Variants in PDZD2 observed in about 807,000 individuals in gnomAD.
PDZD2 encodes PDZ domain-containing protein 2.
Under a neutral mutation model 220.7 loss-of-function variants are expected in PDZD2, and 90 were observed. The observed-to-expected ratio is 0.41, with a 90% confidence interval of 0.34 to 0.49. The LOEUF (loss-of-function observed/expected upper bound fraction) is 0.49, where lower values mean the gene tolerates loss of function less well. Among genes scored for constraint, PDZD2 ranks in the 20% least tolerant of loss-of-function variants. The pLI, the probability that PDZD2 is intolerant of heterozygous loss-of-function variation, is 0.28. For synonymous variants in PDZD2, 1,375 were observed against 1,450.5 expected (o/e 0.95, Z 1.18); for missense variants, 3,174 against 3,608.5 (o/e 0.88, Z 3.08).
At chr5:31,994,005 TTTA>T (rs1398478750) in intron 3 of PDZD2, among the ~76,000 whole-genome samples, 1 of 152,108 alleles carries the variant, frequency 6.6e-6, no homozygotes, top group Non-Finnish European at 1.5e-5. Flanking sequence ...TATTTATTTA[TTTA>T]TTGTTTTTGT....
chr5:31,843,629 T>G (rs1345095018), intron 2 of PDZD2: 1 of 152,270 alleles, frequency 6.6e-6, no homozygotes, highest in Non-Finnish European at 1.5e-5. Flanking sequence ...CTGCCCGAGT[T>G]TCCACCAGAT....
chr5:31,882,216 A>G (rs1739995572), intron 2 of PDZD2, among the ~76,000 whole-genome samples: 1 of 152,194 alleles, frequency 6.6e-6, no homozygotes, highest in South Asian at 2.1e-4. Context: ...CATAAGGCCT[A>G]TTGCTGTGTC....
At chr5:31,856,806 A>C (rs886953325) in intron 2 of PDZD2, among the ~76,000 whole-genome samples, 1 of 151,846 alleles carries the variant, frequency 6.6e-6, no homozygotes, top group African/African-American at 2.4e-5. Context: ...GGTTTGGCCA[A>C]GTGCTTGTTG....
intron 6 of PDZD2, 88 bp downstream of exon 6, chr5:32,010,570 T>C: frequency 1.1e-6 from 1 of 872,600 alleles, no homozygotes; most frequent in Non-Finnish European, 1.9e-6. Context: ...ATGCTTGAGA[T>C]AGTATGATAG....
intron 14 of PDZD2, among the ~76,000 whole-genome samples, chr5:32,066,562 G>A (rs986728847): frequency 2.6e-5 from 4 of 152,106 alleles, no homozygotes; most frequent in African/African-American, 7.2e-5. Context: ...AGAATCTCCC[G>A]TTGGAGTCTA....
chr5:31,889,230 G>T (rs1388329202), intron 2 of PDZD2, among the ~76,000 whole-genome samples: 1 of 152,152 alleles, frequency 6.6e-6, no homozygotes, highest in East Asian at 1.9e-4. Context: ...TTGGAGCCGT[G>T]GTTTTAGCTC....
intron 1 of PDZD2, among the ~76,000 whole-genome samples, chr5:31,768,658 AC>A (rs1321665118): frequency 6.9e-6 from 1 of 144,142 alleles, no homozygotes; most frequent in African/African-American, 2.6e-5. Context: ...AAAAAAAAAA[AC>A]TGAGACACAA....
intron 2 of PDZD2, among the ~76,000 whole-genome samples, chr5:31,938,821 A>G (rs1298498041): frequency 1.3e-5 from 2 of 152,164 alleles, no homozygotes; most frequent in Non-Finnish European, 2.9e-5. Flanking sequence ...CCAGCACAGT[A>G]TTTCATTGTT....
At chr5:31,839,005 G>A (rs1455394352) in intron 2 of PDZD2, among the ~76,000 whole-genome samples, 1 of 152,188 alleles carries the variant, frequency 6.6e-6, no homozygotes, top group African/African-American at 2.4e-5. Flanking sequence ...CAGATCATCT[G>A]TCCTGCAGGG....
In PDZD2 at chr5:32,083,892, G is replaced by A. The variant is rs1742202924; in HGVS notation, c.3683-3239G>A. 1.3e-5 allele frequency among the ~76,000 whole-genome samples: 2 copies of A among 152,036 alleles called. No homozygotes were observed. The highest frequency in any genetic ancestry group is 2.9e-5 in the Non-Finnish European group (2 of 68,020). On this transcript the variant is annotated intron_variant, in intron 19 of 24. Transcript: ENST00000438447. The surrounding 1 kb of genome is among the most constrained non-coding windows in gnomAD (Gnocchi z 4.1). ...GGATTTCCCCATGTTGGCCAGGCTG[G>A]TTTCGAACTCCTGACCTCAAGTGAT...
chr5:32,089,101 C>G lies in PDZD2; in HGVS notation c.5653C>G (p.Leu1885Val), dbSNP rs1742815218. Residue 1885 changes from leucine to valine, a missense_variant, in exon 20 of 25, where the codon CTG becomes GTG. Leu to Val is a conservative substitution (Grantham distance 32). Around this residue, in one of 4 missense-constraint regions of PDZD2, gnomAD observed 1,861 missense variants for 2,001.0 expected, o/e 0.93. Transcript: ENST00000438447. ...NGQKAKCGPK[L>V]KRLSLKGKAK... is the part of the protein sequence containing the mutation. ...TCAGAAGGCAAAGTGTGGTCCGAAG[C>G]TGAAGAGGCTCAGCCTCAAGGGCAA... 1 of 1,613,948 alleles carries G rather than the reference C, an allele frequency of 6.2e-7. No homozygotes were observed. Among genetic ancestry groups the G allele is most frequent in the Non-Finnish European group, 8.5e-7 (1 of 1,180,012 alleles).
At position 31,752,077 on chromosome 5, in the gene PDZD2, T is replaced by G. The variant is rs1372315169; in HGVS notation, c.-360-46812T>G. ...TTGTTTTATTGTTTTGGGTTTGTTT[T>G]TTTTTTTTTTTTTCTGAGACAAGGT... On this transcript the variant is annotated intron_variant, in intron 1 of 24. Coordinates refer to ENST00000438447, the MANE Select transcript of PDZD2 (RefSeq NM_178140.4). Among the ~76,000 whole-genome samples, 50 of 118,172 alleles carry G rather than the reference T, an allele frequency of 4.2e-4. 1 individual carries two copies. Among genetic ancestry groups the G allele is most frequent in the South Asian group, 7.6e-4 (3 of 3,968 alleles). The allele number at this position is 118,172 out of a possible 152,430, so 77.5% of individuals were successfully genotyped here.
chr5:31,884,289 C>T (rs1740227308), intron 2 of PDZD2, among the ~76,000 whole-genome samples: 1 of 148,928 alleles, frequency 6.7e-6, no homozygotes, highest in African/African-American at 2.6e-5. Context: ...AGACACGTAA[C>T]AGAGACCTTA....
chr5:31,644,653 A>G (rs571995034), intron 1 of PDZD2, among the ~76,000 whole-genome samples: 116 of 152,176 alleles, frequency 7.6e-4, no homozygotes, highest in African/African-American at 2.7e-3. Flanking sequence ...TTCACCCCAC[A>G]CTCTTGATGG....
chr5:31,696,368 T>C (rs1326552694), intron 1 of PDZD2, among the ~76,000 whole-genome samples: 2 of 152,176 alleles, frequency 1.3e-5, no homozygotes, highest in African/African-American at 4.8e-5. Flanking sequence ...GGCACAATCA[T>C]AGCTTACTGC....
chr5:31,759,406 C>T (rs1211867157), intron 1 of PDZD2, among the ~76,000 whole-genome samples: 1 of 152,084 alleles, frequency 6.6e-6, no homozygotes, highest in Non-Finnish European at 1.5e-5. Flanking sequence ...GATTTGCTGG[C>T]GCTGTAGTCA....
intron 6 of PDZD2, among the ~76,000 whole-genome samples, chr5:32,018,703 C>T (rs1753962226): frequency 6.6e-6 from 1 of 152,234 alleles, no homozygotes; most frequent in African/African-American, 2.4e-5. Context: ...TCTCTCTCTC[C>T]CCAACCTCAG....
intron 2 of PDZD2, chr5:31,822,922 G>A: frequency 2.1e-6 from 2 of 931,340 alleles, no homozygotes; most frequent in Non-Finnish European, 3.3e-6. Context: ...ACTACAAATA[G>A]TCTGAACGGT....
At chr5:31,764,077 A>G (rs570254457) in intron 1 of PDZD2, among the ~76,000 whole-genome samples, 89 of 152,252 alleles carry the variant, frequency 5.8e-4, no homozygotes, top group Middle Eastern at 6.8e-3. Flanking sequence ...ACGGATGTCC[A>G]CCCAATCCTG....
Sources: allele counts gnomAD v4.1 joint callset (sites outside exome capture counted in the v4.1 genomes callset), GRCh38; gene constraint gnomAD v4.1.1; regional missense constraint gnomAD v4.1.1; non-coding constraint Gnocchi (gnomAD v3.1); transcripts MANE v1.5; gene names NCBI Gene and HGNC (gene_info 2026-07-23, HGNC 2026-07-21).